ZNF560: variants seen among roughly 807,000 people sequenced by gnomAD.
ZNF560 encodes the protein zinc finger protein 560.
Under a neutral mutation model 81.8 loss-of-function variants are expected in ZNF560, and 54 were observed. The ratio of observed to expected loss-of-function variants is 0.66; its 90% confidence interval spans 0.53 to 0.83. The LOEUF (loss-of-function observed/expected upper bound fraction) is 0.83. Among genes scored for constraint, ZNF560 ranks in the 40% least tolerant of loss-of-function variants. The probability of loss-of-function intolerance (pLI) is 0.00; values close to 1 mark genes in which losing one functional copy is unlikely to be tolerated. For synonymous variants in ZNF560, 321 were observed against 317.9 expected (o/e 1.01, Z -0.10); for missense variants, 940 against 932.4 (o/e 1.01, Z -0.11).
chr19:9,462,100 G>T (rs1424470546), downstream of ZNF560, among the ~76,000 whole-genome samples: 1 of 152,058 alleles, frequency 6.6e-6, no homozygotes, highest in Non-Finnish European at 1.5e-5. Context: ...TATTGCCCTG[G>T]TAAAACAAAA....
the ZNF560 span, among the ~76,000 whole-genome samples, chr19:9,461,324 A>G: frequency 6.6e-6 from 1 of 152,318 alleles, no homozygotes; most frequent in African/African-American, 2.4e-5. Context: ...CTTGTTTAAT[A>G]CTAATCATTC....
chr19:9,461,127 A>C, the ZNF560 span, among the ~76,000 whole-genome samples: 1 of 150,936 alleles, frequency 6.6e-6, no homozygotes, highest in African/African-American at 2.5e-5. Context: ...AGATTTGGGA[A>C]GGAAAATATA....
downstream of ZNF560, among the ~76,000 whole-genome samples, chr19:9,464,243 TTTTC>T (rs1257645274): frequency 1.3e-5 from 2 of 152,188 alleles, no homozygotes; most frequent in African/African-American, 4.8e-5. Flanking sequence ...TCACAGGAGT[TTTTC>T]TGTTTTCATA....
At chr19:9,490,191 AG>A (rs1312723270) in intron 2 of ZNF560, among the ~76,000 whole-genome samples, 2 of 152,232 alleles carry the variant, frequency 1.3e-5, no homozygotes, top group Non-Finnish European at 2.9e-5. Context: ...CTCTTCACAA[AG>A]GCATTCAGAA....
At chr19:9,472,273 C>T (rs919230940) in intron 5 of ZNF560, among the ~76,000 whole-genome samples, 10 of 152,046 alleles carry the variant, frequency 6.6e-5, no homozygotes, top group South Asian at 2.1e-4. Context: ...GTGACATACT[C>T]GGAGTAATAA....
chr19:9,488,960 G>A (rs1267419937), intron 2 of ZNF560, among the ~76,000 whole-genome samples: 1 of 152,142 alleles, frequency 6.6e-6, no homozygotes, highest in Middle Eastern at 3.2e-3. Flanking sequence ...CCTGGCTCCT[G>A]CCATATAAGA....
At chr19:9,503,149 A>G (rs1435188324), upstream of ZNF560, among the ~76,000 whole-genome samples, 1 of 152,128 alleles carries the variant, frequency 6.6e-6, no homozygotes, top group Non-Finnish European at 1.5e-5. Flanking sequence ...TGAGCCCAGG[A>G]ATTCAAAGCT....
In ZNF560 at chr19:9,467,956, G is replaced by A. The variant is rs374452540; in HGVS notation, c.991C>T (p.His331Tyr). The A allele has an allele frequency of 5.5e-5, 88 of 1,613,980 alleles. No homozygotes were observed. Among genetic ancestry groups the A allele is most frequent in the Non-Finnish European group, 6.6e-5 (78 of 1,180,022 alleles). The change falls in exon 10 of 10, where the codon CAC becomes TAC. Residue 331 changes from histidine to tyrosine, a missense_variant. Coordinates refer to ENST00000301480, the MANE Select transcript of ZNF560 (RefSeq NM_152476.3). Reference sequence around the variant, plus strand: ...ACATTTACAGCATGGCTTGTGGAGTGAGTAAATGCTTCCCCACATTGCTTC... The same window carrying A: ...ACATTTACAGCATGGCTTGTGGAGTAAGTAAATGCTTCCCCACATTGCTTC... ...EWKQCGEAFT[H>Y]STSHAVNVET... is the part of the protein sequence containing the mutation.
At chr19:9,453,672 C>G in the ZNF560 span, among the ~76,000 whole-genome samples, 2 of 152,166 alleles carry the variant, frequency 1.3e-5, no homozygotes, top group African/African-American at 4.8e-5. Context: ...GGAAACCTTA[C>G]TAGTGCCTAC....
At chr19:9,483,605 A>T (rs2073335566) in intron 2 of ZNF560, among the ~76,000 whole-genome samples, 1 of 104,256 alleles carries the variant, frequency 9.6e-6, no homozygotes, top group East Asian at 2.5e-4. Flanking sequence ...CCGCCCGGCC[A>T]GCCGCCCCGT....
At chr19:9,478,606 A>AAT (rs1294311014) in intron 2 of ZNF560, among the ~76,000 whole-genome samples, 1 of 152,212 alleles carries the variant, frequency 6.6e-6, no homozygotes, top group Non-Finnish European at 1.5e-5. Context: ...AGGGATATAC[A>AAT]ATATAAAAAT....
chr19:9,467,990 G>A lies in ZNF560; in HGVS notation c.957C>T (p.Leu319=), dbSNP rs767422222. Residue 319 remains leucine (L), a synonymous_variant, in exon 10 of 10, where the codon CTC becomes CTT. Transcript: ENST00000301480. ...AHRKTQSGEK[L]NEWKQCGEAF... ...CTTCCCCACATTGCTTCCATTCATT[G>A]AGTTTTTCTCCACTCTGAGTTTTCC... is the stretch of plus-strand genomic sequence containing the variant. The A allele has an allele frequency of 1.1e-4, 173 of 1,613,970 alleles. No individual in the cohort carries two copies. Among genetic ancestry groups the A allele is most frequent in the Non-Finnish European group, 1.4e-4 (162 of 1,180,020 alleles).
In ZNF560 at chr19:9,468,182, G is replaced by A. The variant is rs1490665477; in HGVS notation, c.765C>T (p.Tyr255=). ...CTTTCCTTATGGTAGAGGTTTTATT[G>A]TATAGAGAAAGGAGGTCTTTTGCAT... The part of the protein sequence containing the change: ...IQYAKDLLSL[Y]NKTSTIRKVS... Residue 255 remains tyrosine (Y), a synonymous_variant, in exon 10 of 10, where the codon TAC becomes TAT. Transcript: ENST00000301480. 3.1e-6 allele frequency: 5 copies of A among 1,613,998 alleles called. No homozygotes were observed. In the African/African-American group the frequency reaches 5.3e-5, roughly 17 times the overall value.
upstream of ZNF560, among the ~76,000 whole-genome samples, chr19:9,499,565 T>G (rs1480667018): frequency 6.6e-6 from 1 of 152,212 alleles, no homozygotes; most frequent in Non-Finnish European, 1.5e-5. Flanking sequence ...ATCAAATGAT[T>G]CAAAGCCTCC....
intron 2 of ZNF560, among the ~76,000 whole-genome samples, chr19:9,478,185 T>C (rs2073232176): frequency 6.6e-6 from 1 of 151,990 alleles, no homozygotes; most frequent in Non-Finnish European, 1.5e-5. Context: ...TCCAATAAGG[T>C]TATGAGCAGA....
chr19:9,445,966 G>C, the ZNF560 span, among the ~76,000 whole-genome samples: 3 of 152,090 alleles, frequency 2.0e-5, no homozygotes, highest in East Asian at 5.8e-4. Context: ...ATTGCTTGGA[G>C]GCTGGAACCA....
At chr19:9,479,223 T>C (rs578140167) in intron 2 of ZNF560, among the ~76,000 whole-genome samples, 30 of 151,132 alleles carry the variant, frequency 2.0e-4, no homozygotes, top group Admixed American at 5.3e-4. Flanking sequence ...AAAATGGCAG[T>C]AGTAAGTACC....
In ZNF560 at chr19:9,498,150, G is replaced by C. The variant is rs775095235; in HGVS notation, c.-79C>G. 18 of 152,326 alleles carry C rather than the reference G, an allele frequency of 1.2e-4. No individual in the cohort carries two copies. The highest frequency in any genetic ancestry group is 2.1e-4 in the Non-Finnish European group (14 of 68,032). The allele number at this position is 152,326 out of a possible 1,614,324, so 9.4% of individuals were successfully genotyped here. On this transcript the variant is annotated 5_prime_UTR_variant, in exon 2 of 10. Coordinates refer to ENST00000301480, the MANE Select transcript of ZNF560 (RefSeq NM_152476.3). ...CACCCGAACACGGTGGAGTCGCCAGGTCCGTGGGGCTACAGGATCTTGGGG... is the reference window on the plus strand; with the variant it reads ...CACCCGAACACGGTGGAGTCGCCAGCTCCGTGGGGCTACAGGATCTTGGGG...
At chr19:9,501,707 C>T (rs1400243761), upstream of ZNF560, among the ~76,000 whole-genome samples, 2 of 151,902 alleles carry the variant, frequency 1.3e-5, no homozygotes, top group Admixed American at 1.3e-4. Context: ...CCATGTTACC[C>T]AGGCTGGCCT....
Sources: gnomAD v4.1 joint callset for allele counts (sites outside exome capture counted in the v4.1 genomes callset) on GRCh38, gnomAD v4.1.1 for gene constraint, MANE v1.5 for transcripts, NCBI Gene and HGNC (gene_info 2026-07-23, HGNC 2026-07-21) for gene names.